TMTC2: variants seen among roughly 807,000 people sequenced by gnomAD.
The protein encoded by TMTC2 is transmembrane O-mannosyltransferase targeting cadherins 2.
Under a neutral mutation model 82.4 loss-of-function variants are expected in TMTC2, and 43 were observed. The observed-to-expected ratio is 0.52, with a 90% CI of 0.41 to 0.67. The LOEUF is 0.67. TMTC2 is among the 30% of genes least tolerant of loss of function. TMTC2 has a pLI of 0.00. For missense variants in TMTC2, 919 were observed against 1,012.4 expected, an observed-to-expected ratio of 0.91 and a Z score of 1.25; for synonymous variants, 408 against 381.9, an observed-to-expected ratio of 1.07 and a Z score of -0.80.
intron 11 of TMTC2, among the ~76,000 whole-genome samples, chr12:83,082,304 G>C (rs1883498771): frequency 6.6e-6 from 1 of 152,330 alleles, no homozygotes; most frequent in East Asian, 1.9e-4. Context: ...GCTAGGCTCT[G>C]AGAAGAACCA....
At chr12:83,093,024 T>G (rs1250279946) in intron 11 of TMTC2, among the ~76,000 whole-genome samples, 1 of 152,208 alleles carries the variant, frequency 6.6e-6, no homozygotes, top group Non-Finnish European at 1.5e-5. Flanking sequence ...AGTTTTTCTC[T>G]GAAAGATCCC....
At chr12:83,114,277 G>T (rs897788834) in intron 11 of TMTC2, among the ~76,000 whole-genome samples, 1 of 151,884 alleles carries the variant, frequency 6.6e-6, no homozygotes, top group African/African-American at 2.4e-5. Context: ...AAAATAGTAA[G>T]AGGAAACACA....
chr12:82,910,558 G>A (rs1416634102), intron 3 of TMTC2, among the ~76,000 whole-genome samples: 1 of 152,202 alleles, frequency 6.6e-6, no homozygotes, highest in Non-Finnish European at 1.5e-5. Context: ...CTGTATCCCA[G>A]GGTTTCTTAC....
intron 1 of TMTC2, among the ~76,000 whole-genome samples, chr12:82,768,894 G>A (rs1877131187): frequency 6.6e-6 from 1 of 151,988 alleles, no homozygotes. Context: ...TGACAATTGA[G>A]CATGCTAATG....
chr12:83,018,660 C>CA (rs1396937924), intron 8 of TMTC2, among the ~76,000 whole-genome samples: 4 of 63,612 alleles, frequency 6.3e-5, no homozygotes, highest in Non-Finnish European at 9.0e-5. Flanking sequence ...ATAAAATTTG[C>CA]GGGTTTTTTT....
chr12:83,066,915 A>T (rs913108295), intron 11 of TMTC2, among the ~76,000 whole-genome samples: 1 of 152,004 alleles, frequency 6.6e-6, no homozygotes, highest in Non-Finnish European at 1.5e-5. Context: ...CTCATGGGGC[A>T]TTCCTATCAA....
At chr12:82,801,415 G>A (rs113742774) in intron 1 of TMTC2, among the ~76,000 whole-genome samples, 2,176 of 152,176 alleles carry the variant, frequency 0.014, 51 homozygotes, top group African/African-American at 0.05. Flanking sequence ...AGCTTCCACC[G>A]TGTAGAAGGG....
intron 4 of TMTC2, among the ~76,000 whole-genome samples, chr12:82,954,457 G>A (rs1271319425): frequency 6.6e-6 from 1 of 152,154 alleles, no homozygotes; most frequent in South Asian, 2.1e-4. Flanking sequence ...TATTTGGTAA[G>A]CTCCTTGTCA....
intron 11 of TMTC2, among the ~76,000 whole-genome samples, chr12:83,106,886 A>C (rs561287607): frequency 2.5e-4 from 38 of 152,354 alleles, no homozygotes; most frequent in South Asian, 8.3e-4. Flanking sequence ...GAAATCCCTA[A>C]AGCATATACT....
At chr12:82,734,202 C>T (rs1284590496) in intron 1 of TMTC2, among the ~76,000 whole-genome samples, 1 of 152,150 alleles carries the variant, frequency 6.6e-6, no homozygotes, top group Non-Finnish European at 1.5e-5. Context: ...TTTTCTATTG[C>T]TGCTTAAAAA....
intron 9 of TMTC2, among the ~76,000 whole-genome samples, chr12:83,033,922 G>C (rs997393086): frequency 5.8e-4 from 86 of 149,424 alleles, no homozygotes; most frequent in African/African-American, 2.1e-3. Context: ...ATCCTGGTTT[G>C]GGGTTTTTGT....
chr12:83,077,289 G>A (rs532140587), intron 11 of TMTC2, among the ~76,000 whole-genome samples: 13 of 152,266 alleles, frequency 8.5e-5, no homozygotes, highest in Non-Finnish European at 1.6e-4. Context: ...CTGGAGGATA[G>A]GCACTTTCTT....
intron 8 of TMTC2, chr12:82,986,296 T>G (rs979826441): frequency 6.9e-6 from 3 of 432,632 alleles, no homozygotes; most frequent in African/African-American, 2.0e-5. Context: ...GATGTCTGTA[T>G]CTTACATCTT....
intron 1 of TMTC2, among the ~76,000 whole-genome samples, chr12:82,830,661 G>A (rs980975850): frequency 3.9e-5 from 6 of 151,926 alleles, no homozygotes; most frequent in Non-Finnish European, 2.9e-5. Context: ...AGTTTTATGC[G>A]TTAAAAATAC....
At chr12:82,761,967 C>CTT (rs55750088) in intron 1 of TMTC2, among the ~76,000 whole-genome samples, 2 of 74,624 alleles carry the variant, frequency 2.7e-5, no homozygotes, top group African/African-American at 4.9e-5. Context: ...TTTCCCTTTC[C>CTT]TTTTTTTTTT....
At chr12:82,862,707 T>C (rs1871611200) in intron 2 of TMTC2, among the ~76,000 whole-genome samples, 1 of 152,192 alleles carries the variant, frequency 6.6e-6, no homozygotes, top group Non-Finnish European at 1.5e-5. Context: ...TTTCTTGTTT[T>C]AATGCTAAGC....
chr12:83,126,089 G>C (rs1445590252), intron 11 of TMTC2, among the ~76,000 whole-genome samples: 4 of 152,110 alleles, frequency 2.6e-5, no homozygotes, highest in African/African-American at 7.2e-5. Flanking sequence ...CATATATCAA[G>C]ATGTCTAAGT....
At chr12:82,785,392 A>G (rs1471267576) in intron 1 of TMTC2, among the ~76,000 whole-genome samples, 4 of 148,992 alleles carry the variant, frequency 2.7e-5, no homozygotes, top group Non-Finnish European at 5.9e-5. Flanking sequence ...AAAGAAACAA[A>G]TAACAAAATA....
chr12:82,841,589 G>T (rs988866650), intron 1 of TMTC2, among the ~76,000 whole-genome samples: 1 of 152,172 alleles, frequency 6.6e-6, no homozygotes, highest in African/African-American at 2.4e-5. Context: ...TGATTTTAAT[G>T]TAGGGATGTC....
Sources: allele counts gnomAD v4.1 joint callset (sites outside exome capture counted in the v4.1 genomes callset), GRCh38; gene constraint gnomAD v4.1.1; transcripts MANE v1.5; gene names NCBI Gene and HGNC (gene_info 2026-07-23, HGNC 2026-07-21).